Variants in SAMD5 observed in about 807,000 individuals in gnomAD.
SAMD5 encodes the protein sterile alpha motif domain containing 5, also known as sterile alpha motif domain-containing protein 5.
Under a neutral mutation model 11.3 loss-of-function variants are expected in SAMD5, and 13 were observed. The ratio of observed to expected loss-of-function variants is 1.15; its 90% CI spans 0.75 to 1.83. SAMD5 has a LOEUF of 1.83. SAMD5 is among the 40% of genes most tolerant of loss of function. SAMD5 has a pLI of 0.00. For missense variants in SAMD5, 255 were observed against 239.1 expected (o/e 1.07, Z -0.44); for synonymous variants, 129 against 111.3 (o/e 1.16, Z -1.00).
At chr6:147,730,089 AAAAG>A (rs1554247481) in intron 1 of SAMD5, 10 of 437,640 alleles carry the variant, frequency 2.3e-5, no homozygotes, top group East Asian at 1.4e-4. Context: ...AAAAAAAAAA[AAAAG>A]AAAAGAAAAA....
At chr6:147,782,707 CT>C in the SAMD5 span, among the ~76,000 whole-genome samples, 1 of 152,202 alleles carries the variant, frequency 6.6e-6, no homozygotes, top group East Asian at 1.9e-4. Context: ...ATCATGTGCC[CT>C]GACTTCCTGG....
chr6:147,569,566 C>G lies in SAMD5; in HGVS notation c.*5110C>G, dbSNP rs1789104001. The stretch of plus-strand genomic sequence containing the variant: ...ATTAGATGAATTATCCCTTATCATT[C>G]CAAAAATGAAATGCTGTGTTAAATA... On this transcript the variant is annotated 3_prime_UTR_variant, in exon 2 of 2. Coordinates refer to ENST00000367474, the MANE Select transcript of SAMD5 (RefSeq NM_001030060.3). 1 of 955,894 alleles carries G rather than the reference C, an allele frequency of 1.0e-6. No homozygotes were observed. Among genetic ancestry groups the G allele is most frequent in the East Asian group, 1.1e-4 (1 of 8,696 alleles). 59.2% of individuals were successfully genotyped at this position (955,894 alleles called of 1,614,324 possible). A position where few individuals can be genotyped will look rare whatever the true frequency, so the allele number is the denominator to read the frequency against.
At chr6:147,631,423 G>A (rs1195324251) in intron 1 of SAMD5, among the ~76,000 whole-genome samples, 1 of 152,150 alleles carries the variant, frequency 6.6e-6, no homozygotes, top group African/African-American at 2.4e-5. Flanking sequence ...TGGAGGCTGA[G>A]CTTGGTGAGG....
the SAMD5 span, among the ~76,000 whole-genome samples, chr6:147,888,584 T>A: frequency 1.3e-3 from 25 of 19,796 alleles, no homozygotes; most frequent in Admixed American, 4.9e-3. Flanking sequence ...CTCTGGCTGC[T>A]TTTTAAGATT....
chr6:147,718,804 C>T (rs1472469363), intron 1 of SAMD5, among the ~76,000 whole-genome samples: 1 of 152,120 alleles, frequency 6.6e-6, no homozygotes, highest in Non-Finnish European at 1.5e-5. Context: ...GATTCTCACG[C>T]CTCAGCCTCC....
the SAMD5 span, among the ~76,000 whole-genome samples, chr6:147,939,237 G>A: frequency 3.9e-5 from 6 of 152,064 alleles, no homozygotes; most frequent in Admixed American, 3.9e-4. Flanking sequence ...GTGTTCACTG[G>A]CCCTGAAGGT....
the SAMD5 span, among the ~76,000 whole-genome samples, chr6:147,768,181 A>C: frequency 1.3e-5 from 2 of 152,166 alleles, no homozygotes; most frequent in Non-Finnish European, 2.9e-5. Flanking sequence ...CAACACTGAC[A>C]AATGTTCAAA....
At chr6:147,871,829 A>C in the SAMD5 span, among the ~76,000 whole-genome samples, 1 of 152,310 alleles carries the variant, frequency 6.6e-6, no homozygotes, top group East Asian at 1.9e-4. Flanking sequence ...CCCCTACTGT[A>C]ATTCCTGCTA....
At chr6:147,908,893 C>A in the SAMD5 span, among the ~76,000 whole-genome samples, 1 of 152,062 alleles carries the variant, frequency 6.6e-6, no homozygotes, top group Non-Finnish European at 1.5e-5. Flanking sequence ...GCAGGCTAAG[C>A]CTGAGATAGG....
intron 1 of SAMD5, among the ~76,000 whole-genome samples, chr6:147,592,981 G>T (rs1789478063): frequency 6.6e-6 from 1 of 152,076 alleles, no homozygotes; most frequent in Non-Finnish European, 1.5e-5. Context: ...CTAGGTGTTT[G>T]ATTTTTTTAA....
chr6:147,748,751 A>G, the SAMD5 span, among the ~76,000 whole-genome samples: 4 of 152,204 alleles, frequency 2.6e-5, no homozygotes, highest in Admixed American at 2.6e-4. Flanking sequence ...AATGAAGTCC[A>G]TTGCATTGAT....
chr6:147,749,917 C>G, the SAMD5 span, among the ~76,000 whole-genome samples: 1 of 152,160 alleles, frequency 6.6e-6, no homozygotes, highest in Admixed American at 6.5e-5. Flanking sequence ...ATAAAACCCG[C>G]TTATTTTCAT....
the SAMD5 span, among the ~76,000 whole-genome samples, chr6:147,766,444 G>A: frequency 6.6e-6 from 1 of 152,096 alleles, no homozygotes; most frequent in Non-Finnish European, 1.5e-5. Flanking sequence ...AGCTTCAAGA[G>A]AAAATGAGCC....
chr6:147,569,301 T>C lies in SAMD5; in HGVS notation c.*4845T>C. ...TTATGAAATAGATAATTTTTTAAAA[T>C]TGTTTAAACTCCTGGAAATTAAGTG... On this transcript the variant is annotated 3_prime_UTR_variant, in exon 2 of 2. Transcript: ENST00000367474. 1 of 451,242 alleles carries C rather than the reference T, an allele frequency of 2.2e-6. No homozygotes were observed. The highest frequency in any genetic ancestry group is 2.9e-6 in the Non-Finnish European group (1 of 342,202). The allele number at this position is 451,242 out of a possible 1,614,324, so 28.0% of individuals were successfully genotyped here.
At chr6:147,714,965 A>T (rs1324199000) in intron 1 of SAMD5, among the ~76,000 whole-genome samples, 1 of 152,204 alleles carries the variant, frequency 6.6e-6, no homozygotes, top group Non-Finnish European at 1.5e-5. Flanking sequence ...ATTAATACAT[A>T]TATTTGCTTA....
At chr6:147,910,414 C>T in the SAMD5 span, among the ~76,000 whole-genome samples, 546 of 152,290 alleles carry the variant, frequency 3.6e-3, 11 homozygotes, top group Admixed American at 0.033. Flanking sequence ...TATATCTCTG[C>T]TGCCACCTGC....
chr6:147,849,100 T>C, the SAMD5 span, among the ~76,000 whole-genome samples: 1 of 152,112 alleles, frequency 6.6e-6, no homozygotes, highest in Non-Finnish European at 1.5e-5. Context: ...TGTAATGGTT[T>C]CTTTGGATAA....
At chr6:147,810,582 G>A in the SAMD5 span, among the ~76,000 whole-genome samples, 1 of 152,182 alleles carries the variant, frequency 6.6e-6, no homozygotes, top group Non-Finnish European at 1.5e-5. Context: ...GAAACATAGT[G>A]CTGAAGTGTT....
downstream of SAMD5, among the ~76,000 whole-genome samples, chr6:147,570,759 T>C (rs987436169): frequency 1.3e-5 from 2 of 151,928 alleles, no homozygotes; most frequent in Non-Finnish European, 2.9e-5. Context: ...TTAGGAGAAA[T>C]ATGTACAAAT....
Sources: allele counts gnomAD v4.1 joint callset (sites outside exome capture counted in the v4.1 genomes callset), GRCh38; gene constraint gnomAD v4.1.1; transcripts MANE v1.5; gene names NCBI Gene and HGNC (gene_info 2026-07-23, HGNC 2026-07-21).